ZNF335: variants seen among roughly 807,000 people sequenced by gnomAD.
ZNF335 encodes the protein zinc finger protein 335, also known as NRC-interacting factor 1.
In ZNF335, 84 loss-of-function variants were observed where a neutral mutation model predicts 145.6. The observed-to-expected ratio is 0.58, with a 90% confidence interval of 0.48 to 0.69. ZNF335 has a LOEUF of 0.69. ZNF335 is among the 30% of genes least tolerant of loss of function. ZNF335 has a pLI of 0.00. For synonymous variants in ZNF335, 761 were observed against 717.0 expected (o/e 1.06, Z -0.98); for missense variants, 1,865 against 1,809.7 (o/e 1.03, Z -0.55).
At chr20:45,971,723 G>T (rs931200636) in intron 1 of ZNF335, 1 of 985,470 alleles carries the variant, frequency 1.0e-6, no homozygotes, top group African/African-American at 1.7e-5. Context: ...GATTCTCGTG[G>T]AGCGTTCCGC....
chr20:45,950,227 G>T lies in ZNF335; in HGVS notation c.3479C>A (p.Thr1160Asn). 1 of 1,548,590 alleles carries T rather than the reference G, an allele frequency of 6.5e-7. No individual in the cohort carries two copies. Among genetic ancestry groups the T allele is most frequent in the South Asian group, 1.2e-5 (1 of 80,064 alleles). ...CCCCAGGGGCAGCTCACTGTGCAGG[G>T]TGGCCAGTGTTTCGTCATCACTGTT... ...ILNSDDETLATLHTALQSSHG... is the reference protein window; with the variant it reads ...ILNSDDETLANLHTALQSSHG... The change falls in exon 22 of 28, where the codon ACC (threonine) becomes AAC (asparagine). Residue 1160 changes from threonine (T) to asparagine (N), a missense_variant. By Grantham distance (65) the Thr-to-Asn change is moderately conservative (BLOSUM62 0). Coordinates refer to ENST00000322927, the MANE Select transcript of ZNF335 (RefSeq NM_022095.4).
At chr20:45,951,017 C>G (rs1431855595) in intron 20 of ZNF335, among the ~76,000 whole-genome samples, 3 of 152,216 alleles carry the variant, frequency 2.0e-5, no homozygotes, top group African/African-American at 7.2e-5. Flanking sequence ...CTCAGCCTCC[C>G]AAGTTGCAGG....
intron 10 of ZNF335, 80 bp downstream of exon 10, chr20:45,961,990 G>A: frequency 8.1e-7 from 1 of 1,233,774 alleles, no homozygotes; most frequent in South Asian, 1.3e-5. Context: ...CGGTAAGTGG[G>A]AACCATGGTT....
rs1445107629 is a variant in ZNF335, at chr20:45,962,801, G to GTTTTTTT, written c.1534-626_1534-620dup. 1.6e-4 allele frequency among the ~76,000 whole-genome samples: 15 copies of GTTTTTTT among 93,552 alleles called. 2 individuals carry two copies. The highest frequency in any genetic ancestry group is 3.9e-4 in the African/African-American group (8 of 20,644). 61.4% of individuals were successfully genotyped at this position (93,552 alleles called of 152,430 possible). A position where few individuals can be genotyped will look rare whatever the true frequency, so the allele number is the denominator to read the frequency against. On this transcript the variant is annotated intron_variant, in intron 9 of 27. Transcript: ENST00000322927. ...CTTGTGTTAAGGAGAAAAAGGAACC[G>GTTTTTTT]TTTTTTTTTTTTTGTTTGTTTGTTT...
At chr20:45,960,184 G>A (rs751199403) in intron 14 of ZNF335, 24 bp downstream of exon 14, 37 of 1,612,812 alleles carry the variant, frequency 2.3e-5, no homozygotes, top group Non-Finnish European at 3.1e-5. Context: ...CTGGTGAGTG[G>A]GGCTGGGGTG....
chr20:45,959,509 T>A, intron 14 of ZNF335, 76 bp from the exon 15 acceptor site: 1 of 1,120,812 alleles, frequency 8.9e-7, no homozygotes, highest in Non-Finnish European at 1.2e-6. Context: ...TTCTTGACCC[T>A]AAGGATCTCT....
At chr20:45,956,436 C>G (rs2083730479) in intron 17 of ZNF335, among the ~76,000 whole-genome samples, 1 of 152,092 alleles carries the variant, frequency 6.6e-6, no homozygotes, top group Admixed American at 6.6e-5. Flanking sequence ...CCATGTTGGT[C>G]AGGCTGGTCT....
At chr20:45,971,035 G>C (rs1210933725) in intron 2 of ZNF335, among the ~76,000 whole-genome samples, 175 bp downstream of exon 2, 1 of 152,250 alleles carries the variant, frequency 6.6e-6, no homozygotes, top group Non-Finnish European at 1.5e-5. Context: ...ATGTGTCTTA[G>C]AAGGTATGAA....
intron 2 of ZNF335, among the ~76,000 whole-genome samples, chr20:45,970,526 GA>G (rs2084039377): frequency 6.6e-6 from 1 of 152,272 alleles, no homozygotes; most frequent in Middle Eastern, 3.4e-3. Context: ...TACAGACGAG[GA>G]AACAGAGCTA....
At chr20:45,959,116 T>C in intron 15 of ZNF335, 85 bp downstream of exon 15, 3 of 1,114,512 alleles carry the variant, frequency 2.7e-6, no homozygotes, top group Non-Finnish European at 3.6e-6. Context: ...GCAGGGATTA[T>C]TTTGTTGCAT....
intron 10 of ZNF335, 136 bp from the exon 11 acceptor site, chr20:45,961,018 C>CAGCTGGA (rs1403196677): frequency 8.4e-7 from 1 of 1,185,690 alleles, no homozygotes; most frequent in Non-Finnish European, 1.2e-6. Flanking sequence ...AGTGCTTCCC[C>CAGCTGGA]AGCTGGAGTT....
In ZNF335 at chr20:45,950,613, T is replaced by G; in HGVS notation, c.3190-18A>C. The G allele has an allele frequency of 1.2e-6, 2 of 1,613,026 alleles. No individual in the cohort carries two copies. Among genetic ancestry groups the G allele is most frequent in the Non-Finnish European group, 1.7e-6 (2 of 1,179,594 alleles). On this transcript the variant is annotated intron_variant, in intron 20 of 27. Transcript: ENST00000322927. ...ATGTGCGCCTGCAGAGAGGGCAGAG[T>G]TGGGGGCATTGGCTGGGTCAGGACA...
rs141432058 is a variant in ZNF335, at chr20:45,960,633, G to C, written c.1765C>G (p.Pro589Ala). ...CCACCCACCTTGTCACACATGTGGG[G>C]CTTCTCAGTGCTGTGCGTCTTCATG... ...QHMKTHSTEK[P>A]HMCDKCGKSF... Residue 589 changes from proline to alanine, a missense_variant, in exon 12 of 28, where the codon CCC becomes GCC. Transcript: ENST00000322927. 3.2e-5 allele frequency: 52 copies of C among 1,614,036 alleles called. No homozygotes were observed. The highest frequency in any genetic ancestry group is 4.0e-5 in the Non-Finnish European group (47 of 1,180,034).
rs61555698 is a variant in ZNF335, at chr20:45,955,350, C to CAAAAAAAAAAAAAAA, written c.2443-1417_2443-1403dup. Among the ~76,000 whole-genome samples, 59 of 37,330 alleles carry CAAAAAAAAAAAAAAA rather than the reference C, an allele frequency of 1.6e-3. 10 individuals carry two copies. Among genetic ancestry groups the CAAAAAAAAAAAAAAA allele is most frequent in the African/African-American group, 5.7e-3 (49 of 8,552 alleles). The allele number at this position is 37,330 out of a possible 152,430, so 24.5% of individuals were successfully genotyped here. On this transcript the variant is annotated intron_variant, in intron 17 of 27. Transcript: ENST00000322927. ...TGGGCAACAGAGCAAGACTCTGTCT[C>CAAAAAAAAAAAAAAA]AAAAAAAAAAAAAAAAAAAAGATTT...
chr20:45,963,406 G>A, intron 9 of ZNF335, 67 bp downstream of exon 9: 1 of 1,535,806 alleles, frequency 6.5e-7, no homozygotes, highest in Non-Finnish European at 8.8e-7. Context: ...TCCCTCAGTG[G>A]CACCAGCTGG....
In ZNF335 at chr20:45,957,603, C is replaced by G. The variant is rs938369987; in HGVS notation, c.2425G>C (p.Gly809Arg). The G allele has an allele frequency of 2.5e-6, 4 of 1,614,138 alleles. No individual in the cohort carries two copies. Among genetic ancestry groups the G allele is most frequent in the Non-Finnish European group, 2.5e-6 (3 of 1,180,022 alleles). ...CAGCTCACCTGCAGGGCTGTGCCCCCCAGTTCCCGCTGAGCACTCATGTTC... is the reference window on the plus strand; with the variant it reads ...CAGCTCACCTGCAGGGCTGTGCCCCGCAGTTCCCGCTGAGCACTCATGTTC... ...LLNMSAQREL[G>R]GTALQVAVVK... The change falls in exon 17 of 28, where the codon GGG becomes CGG. Residue 809 changes from glycine (G) to arginine (R), a missense_variant. Transcript: ENST00000322927.
intron 2 of ZNF335, 105 bp downstream of exon 2, chr20:45,971,105 G>T: frequency 7.0e-7 from 1 of 1,427,960 alleles, no homozygotes; most frequent in Non-Finnish European, 9.2e-7. Context: ...CAGTAAACCA[G>T]AAACACCAAG....
At position 45,960,231 on chromosome 20, in the gene ZNF335, G is replaced by A. The variant is rs778973677; in HGVS notation, c.1997C>T (p.Ser666Phe). The A allele has an allele frequency of 3.7e-6, 6 of 1,614,170 alleles. No homozygotes were observed. In the South Asian group the frequency reaches 5.5e-5, roughly 15 times the overall value. The part of the protein sequence containing the change: ...YRTFREDFLL[S>F]HVAVKHTGAK... Reference sequence around the variant, plus strand: ...ACCTGTGTGCTTGACAGCCACATGGGACAGCAAGAAGTCCTCTCGGAAGGT... The same window carrying A: ...ACCTGTGTGCTTGACAGCCACATGGAACAGCAAGAAGTCCTCTCGGAAGGT... Residue 666 changes from serine to phenylalanine, a missense_variant, in exon 14 of 28, where the codon TCC (serine) becomes TTC (phenylalanine). Coordinates refer to ENST00000322927, the MANE Select transcript of ZNF335 (RefSeq NM_022095.4).
In ZNF335 at chr20:45,949,152, C is replaced by G; in HGVS notation, c.3901+18G>C. On this transcript the variant is annotated intron_variant, in intron 27 of 27. Coordinates refer to ENST00000322927, the MANE Select transcript of ZNF335 (RefSeq NM_022095.4). ...GGTCCATACCCAGCCCCATGCTCCTCAGGATCCAGCTCCATACCTGTGACA... is the reference window on the plus strand; with the variant it reads ...GGTCCATACCCAGCCCCATGCTCCTGAGGATCCAGCTCCATACCTGTGACA... 3.1e-6 allele frequency: 5 copies of G among 1,613,554 alleles called. No homozygotes were observed. Among genetic ancestry groups the G allele is most frequent in the Non-Finnish European group, 4.2e-6 (5 of 1,179,922 alleles).
Sources: allele counts gnomAD v4.1 joint callset (sites outside exome capture counted in the v4.1 genomes callset), GRCh38; gene constraint gnomAD v4.1.1; transcripts MANE v1.5; gene names NCBI Gene and HGNC (gene_info 2026-07-23, HGNC 2026-07-21).